The following SGIP1 variants were observed in gnomAD, a reference collection of about 807,000 sequenced individuals.
SGIP1 encodes SH3GL interacting endocytic adaptor 1.
A neutral mutation model predicts 107.5 loss-of-function variants in SGIP1; 38 were observed. The ratio of observed to expected loss-of-function variants is 0.35; its 90% CI spans 0.27 to 0.46. The LOEUF is 0.46. SGIP1 is among the 20% of genes least tolerant of loss of function. The probability of loss-of-function intolerance (pLI) is 1.00; values close to 1 mark genes in which losing one functional copy is unlikely to be tolerated. For missense variants in SGIP1, 929 were observed against 1,019.5 expected (o/e 0.91, Z 1.21); for synonymous variants, 365 against 366.1 (o/e 1.00, Z 0.03).
intron 1 of SGIP1, among the ~76,000 whole-genome samples, chr1:66,547,631 C>A (rs941008306): frequency 6.6e-6 from 1 of 152,060 alleles, no homozygotes; most frequent in Non-Finnish European, 1.5e-5. Context: ...CAGTGCAAGG[C>A]GATGAGCTAG....
intron 1 of SGIP1, among the ~76,000 whole-genome samples, chr1:66,540,711 G>A (rs1261549669): frequency 6.6e-6 from 1 of 152,204 alleles, no homozygotes; most frequent in African/African-American, 2.4e-5. Flanking sequence ...GGAGCTCAAT[G>A]TGTTAGCTGA....
chr1:66,724,778 A>G (rs1007731965), intron 19 of SGIP1, among the ~76,000 whole-genome samples: 7 of 152,212 alleles, frequency 4.6e-5, no homozygotes, highest in Non-Finnish European at 2.9e-5. Flanking sequence ...ATCTCCTACC[A>G]AGACACCATT....
At chr1:66,660,293 G>A (rs1330744649) in intron 7 of SGIP1, 5 of 560,322 alleles carry the variant, frequency 8.9e-6, no homozygotes, top group Non-Finnish European at 1.6e-5. Flanking sequence ...GTGCTCAGAT[G>A]CCCAGATGAA....
intron 21 of SGIP1, 72 bp downstream of exon 21, chr1:66,733,952 A>AAAAGTAACT (rs2094125777): frequency 2.8e-6 from 4 of 1,453,010 alleles, no homozygotes; most frequent in African/African-American, 2.8e-5. Context: ...ACTATTGAAT[A>AAAAGTAACT]AAAGTAACTA....
intron 1 of SGIP1, among the ~76,000 whole-genome samples, chr1:66,609,047 T>TATATCCCACAGGGA (rs1371387284): frequency 3.3e-5 from 5 of 152,136 alleles, no homozygotes; most frequent in African/African-American, 7.2e-5. Flanking sequence ...GAAGGTCACT[T>TATATCCCACAGGGA]TTGACACTTG....
At chr1:66,664,746 G>A (rs2149763114) in intron 8 of SGIP1, among the ~76,000 whole-genome samples, 1 of 152,296 alleles carries the variant, frequency 6.6e-6, no homozygotes, top group Middle Eastern at 3.4e-3. Flanking sequence ...TTGGTTTTGG[G>A]AGGTAGCCTC....
chr1:66,587,590 T>C (rs1343735528), intron 1 of SGIP1, among the ~76,000 whole-genome samples: 1 of 152,156 alleles, frequency 6.6e-6, no homozygotes, highest in East Asian at 1.9e-4. Flanking sequence ...CATAACAGAT[T>C]AGAATTAGGC....
At chr1:66,610,800 T>G (rs1451540791) in intron 1 of SGIP1, among the ~76,000 whole-genome samples, 2 of 152,158 alleles carry the variant, frequency 1.3e-5, no homozygotes, top group Non-Finnish European at 2.9e-5. Context: ...AAATATTTAT[T>G]GCATGAAAAA....
intron 9 of SGIP1, among the ~76,000 whole-genome samples, chr1:66,669,828 G>C (rs926497215): frequency 1.3e-5 from 2 of 152,046 alleles, no homozygotes; most frequent in Non-Finnish European, 2.9e-5. Context: ...AGCATAAATG[G>C]GTTCAAAATG....
At position 66,745,362 on chromosome 1, in the gene SGIP1, C is replaced by G. The variant is rs2094538420; in HGVS notation, c.*2267C>G. ...TTCAAAATGATTGAACTATGAGTAA[C>G]CAGAACCTCAATAGAAAATGTATCC... On this transcript the variant is annotated 3_prime_UTR_variant, in exon 25 of 25. Coordinates refer to ENST00000371037, the MANE Select transcript of SGIP1 (RefSeq NM_032291.4). 6.6e-6 allele frequency: 1 copy of G among 151,890 alleles called. No individual in the cohort carries two copies. Among genetic ancestry groups the G allele is most frequent in the South Asian group, 2.1e-4 (1 of 4,824 alleles). The allele number at this position is 151,890 out of a possible 1,614,324, so 9.4% of individuals were successfully genotyped here.
At chr1:66,591,892 A>G (rs370753516) in intron 1 of SGIP1, among the ~76,000 whole-genome samples, 2 of 152,344 alleles carry the variant, frequency 1.3e-5, no homozygotes, top group East Asian at 3.9e-4. Flanking sequence ...ATGGGCACGT[A>G]GGCCAGATTT....
At chr1:66,619,873 T>C (rs552293156) in intron 1 of SGIP1, among the ~76,000 whole-genome samples, 2 of 152,262 alleles carry the variant, frequency 1.3e-5, no homozygotes, top group African/African-American at 4.8e-5. Flanking sequence ...GAAAAATATT[T>C]CAGGTGTGTT....
At position 66,719,876 on chromosome 1, in the gene SGIP1, G is replaced by T. The variant is rs183631184; in HGVS notation, c.1742+471G>T. 2.1e-3 allele frequency among the ~76,000 whole-genome samples: 313 copies of T among 152,192 alleles called. 2 individuals carry two copies. Among genetic ancestry groups the T allele is most frequent in the African/African-American group, 6.7e-3 (280 of 41,528 alleles). Reference sequence around the variant, plus strand: ...GAAAAAACACCTTCTCAAAACACACGAAGTAGCAAGGGAACAAATTTTCTG... The same window carrying T: ...GAAAAAACACCTTCTCAAAACACACTAAGTAGCAAGGGAACAAATTTTCTG... On this transcript the variant is annotated intron_variant, in intron 19 of 24. Transcript: ENST00000371037.
At chr1:66,583,008 A>G (rs2062029362) in intron 1 of SGIP1, among the ~76,000 whole-genome samples, 1 of 152,020 alleles carries the variant, frequency 6.6e-6, no homozygotes, top group Non-Finnish European at 1.5e-5. Flanking sequence ...TATTTCACAC[A>G]TATTTATAAC....
At position 66,745,069 on chromosome 1, in the gene SGIP1, A is replaced by G. The variant is rs2094534565; in HGVS notation, c.*1974A>G. On this transcript the variant is annotated 3_prime_UTR_variant, in exon 25 of 25. Transcript: ENST00000371037. ...TTGAATATTAATACAAAGCATATTA[A>G]AAACATGTAAATATTACTGGTTCTC... 1.3e-5 allele frequency: 2 copies of G among 152,462 alleles called. No homozygotes were observed. The highest frequency in any genetic ancestry group is 4.8e-5 in the African/African-American group (2 of 41,446). 9.4% of individuals were successfully genotyped at this position (152,462 alleles called of 1,614,324 possible). A position where few individuals can be genotyped will look rare whatever the true frequency, so the allele number is the denominator to read the frequency against.
At chr1:66,660,559 C>A in intron 8 of SGIP1, 35 bp downstream of exon 8, 1 of 1,585,722 alleles carries the variant, frequency 6.3e-7, no homozygotes, top group Non-Finnish European at 8.7e-7. Flanking sequence ...TTGGGGCAAA[C>A]ATTATTTATT....
At chr1:66,666,926 T>A (rs1286604939) in intron 8 of SGIP1, 2 of 152,264 alleles carry the variant, frequency 1.3e-5, no homozygotes, top group Non-Finnish European at 2.9e-5. Flanking sequence ...CGCCATCACA[T>A]TCTCATCATT....
intron 7 of SGIP1, chr1:66,643,927 G>A (rs1558185601): frequency 5.7e-6 from 2 of 352,166 alleles, no homozygotes; most frequent in Non-Finnish European, 1.0e-5. Context: ...TCAAAAAGGT[G>A]AAAAATATAT....
At chr1:66,699,691 G>A (rs989342512) in intron 18 of SGIP1, among the ~76,000 whole-genome samples, 1 of 152,120 alleles carries the variant, frequency 6.6e-6, no homozygotes, top group South Asian at 2.1e-4. Flanking sequence ...TGCCTGCTGT[G>A]TACTAGCACT....
Sources: allele counts gnomAD v4.1 joint callset (sites outside exome capture counted in the v4.1 genomes callset), GRCh38; gene constraint gnomAD v4.1.1; transcripts MANE v1.5; gene names NCBI Gene and HGNC (gene_info 2026-07-23, HGNC 2026-07-21).